Variants in KYAT3 observed in about 807,000 individuals in gnomAD.
KYAT3 encodes kynurenine--oxoglutarate transaminase 3.
A neutral mutation model predicts 59.0 loss-of-function variants in KYAT3; 50 were observed. The ratio of observed to expected loss-of-function variants is 0.85; its 90% CI spans 0.68 to 1.07. KYAT3 has a LOEUF of 1.07. Among genes scored for constraint, KYAT3 ranks in the 50% least tolerant of loss-of-function variants. The pLI is 0.00. For missense variants in KYAT3, 497 were observed against 533.3 expected (o/e 0.93, Z 0.67); for synonymous variants, 148 against 177.0 (o/e 0.84, Z 1.30).
At chr1:88,961,310 C>T (rs1343579496) in intron 7 of KYAT3, 23 bp from the exon 8 acceptor site, 3 of 1,613,534 alleles carry the variant, frequency 1.9e-6, no homozygotes, top group Non-Finnish European at 1.7e-6. Context: ...AAGGAAAGAG[C>T]ACAGCCAATT....
chr1:88,936,484 T>C (rs886966179), intron 13 of KYAT3, among the ~76,000 whole-genome samples: 1 of 152,178 alleles, frequency 6.6e-6, no homozygotes, highest in African/African-American at 2.4e-5. Flanking sequence ...AAATAATAGC[T>C]GTCTGCTCCA....
chr1:88,972,412 T>C (rs940814477), intron 2 of KYAT3, among the ~76,000 whole-genome samples: 1 of 152,240 alleles, frequency 6.6e-6, no homozygotes, highest in African/African-American at 2.4e-5. Context: ...CATATAGTTA[T>C]GCCTAGCACA....
At chr1:88,941,931 G>C (rs1244342324) in intron 13 of KYAT3, among the ~76,000 whole-genome samples, 1 of 152,104 alleles carries the variant, frequency 6.6e-6, no homozygotes, top group Non-Finnish European at 1.5e-5. Flanking sequence ...TTATCCTGTT[G>C]TATTTCATTG....
intron 2 of KYAT3, chr1:88,982,945 A>G: frequency 6.2e-7 from 1 of 1,613,946 alleles, no homozygotes; most frequent in Non-Finnish European, 8.5e-7. Flanking sequence ...GTGTAAGTGG[A>G]GCACTACGTG....
intron 1 of KYAT3, 37 bp from the exon 2 acceptor site, chr1:88,988,388 T>A: frequency 1.6e-6 from 2 of 1,238,816 alleles, no homozygotes; most frequent in African/African-American, 1.5e-5. Context: ...GAGGAATAAA[T>A]ATATGATGGG....
At chr1:88,983,170 G>A in intron 2 of KYAT3, 4 of 1,612,584 alleles carry the variant, frequency 2.5e-6, no homozygotes, top group Non-Finnish European at 3.4e-6. Flanking sequence ...TGCTTGAATA[G>A]CTGTCTTTAG....
At position 88,943,432 on chromosome 1, in the gene KYAT3, A is replaced by G; in HGVS notation, c.1142-9T>C. The G allele has an allele frequency of 6.7e-7, 1 of 1,499,306 alleles. No individual in the cohort carries two copies. Among genetic ancestry groups the G allele is most frequent in the Non-Finnish European group, 9.1e-7 (1 of 1,102,014 alleles). The allele number at this position is 1,499,306 out of a possible 1,614,324, so 92.9% of individuals were successfully genotyped here. A position where few individuals can be genotyped will look rare whatever the true frequency, so the allele number is the denominator to read the frequency against. ...ATCAGAGAGGTCTGGATCTAAAACC[A>G]CAATGAAAATTAGGTGGCCTATGAA... On this transcript the variant is annotated splice_polypyrimidine_tract_variant and intron_variant, in intron 11 of 13. Coordinates refer to ENST00000260508, the MANE Select transcript of KYAT3 (RefSeq NM_001008661.3).
downstream of KYAT3, among the ~76,000 whole-genome samples, chr1:88,933,501 TAGAA>T (rs1419957435): frequency 6.6e-6 from 1 of 151,940 alleles, no homozygotes; most frequent in African/African-American, 2.4e-5. Flanking sequence ...AGAGGAAAGA[TAGAA>T]AGAATTTTGC....
the KYAT3 span, among the ~76,000 whole-genome samples, chr1:88,925,730 C>T: frequency 6.7e-6 from 1 of 149,658 alleles, no homozygotes; most frequent in Non-Finnish European, 1.5e-5. Context: ...GAGAGAGAGA[C>T]AGAGGAGAGA....
intron 2 of KYAT3, among the ~76,000 whole-genome samples, chr1:88,978,073 T>TATATACACATATGTATATATGTATATA (rs1328485846): frequency 1.7e-4 from 26 of 152,136 alleles, no homozygotes; most frequent in African/African-American, 6.0e-4. Flanking sequence ...ATGTATATAA[T>TATATACACATATGTATATATGTATATA]ATATACACAT....
intron 2 of KYAT3, chr1:88,982,125 T>C (rs976783369): frequency 5.1e-6 from 5 of 982,044 alleles, no homozygotes; most frequent in Non-Finnish European, 4.8e-6. Flanking sequence ...TTGGGTTTAC[T>C]GGGTGAATAG....
intron 2 of KYAT3, chr1:88,983,243 C>G (rs1182940171): frequency 6.2e-7 from 1 of 1,613,320 alleles, no homozygotes; most frequent in Non-Finnish European, 8.5e-7. Flanking sequence ...CGGTTCCCTT[C>G]GAGGTGGACC....
intron 4 of KYAT3, among the ~76,000 whole-genome samples, chr1:88,967,590 T>C (rs1243608833): frequency 6.6e-6 from 1 of 152,086 alleles, no homozygotes; most frequent in Non-Finnish European, 1.5e-5. Context: ...TAGGGCTAGT[T>C]GCATTTTTCA....
rs12078452 is a variant in KYAT3 at position 88,989,172 on chromosome 1, G to T, written c.-1-821C>A. ...AGGCTGCTGTATCAGTGGATGGCATGTCGTCTAACAGTTATCAAACCTTAG... is the reference window on the plus strand; with the variant it reads ...AGGCTGCTGTATCAGTGGATGGCATTTCGTCTAACAGTTATCAAACCTTAG... On this transcript the variant is annotated intron_variant, in intron 1 of 13. Coordinates refer to ENST00000260508, the MANE Select transcript of KYAT3 (RefSeq NM_001008661.3). Among the ~76,000 whole-genome samples, 553 of 152,308 alleles carry T rather than the reference G, an allele frequency of 3.6e-3. 7 individuals carry two copies. Among genetic ancestry groups the T allele is most frequent in the African/African-American group, 0.013 (536 of 41,564 alleles).
intron 2 of KYAT3, 36 bp from the exon 3 acceptor site, chr1:88,969,503 G>T: frequency 1.6e-6 from 2 of 1,258,320 alleles, no homozygotes; most frequent in Non-Finnish European, 2.3e-6. Flanking sequence ...AATTGCCTTA[G>T]TCAAAATTTT....
intron 5 of KYAT3, 125 bp from the exon 6 acceptor site, chr1:88,962,270 T>C: frequency 1.4e-6 from 1 of 723,706 alleles, no homozygotes; most frequent in Non-Finnish European, 2.4e-6. Flanking sequence ...AGGCAGGCTT[T>C]GCCCTTGTGG....
At chr1:88,954,050 C>T (rs945918752) in intron 9 of KYAT3, among the ~76,000 whole-genome samples, 13 of 151,922 alleles carry the variant, frequency 8.6e-5, no homozygotes, top group African/African-American at 1.9e-4. Flanking sequence ...TACAGGCATG[C>T]GCCACCACGC....
At chr1:88,950,714 A>AC (rs887372567) in intron 10 of KYAT3, among the ~76,000 whole-genome samples, 1 of 151,752 alleles carries the variant, frequency 6.6e-6, no homozygotes, top group East Asian at 1.9e-4. Flanking sequence ...TGCTTCTACC[A>AC]CCCCCATCTT....
At chr1:88,978,971 T>TAA (rs2101073300) in intron 2 of KYAT3, among the ~76,000 whole-genome samples, 1 of 152,248 alleles carries the variant, frequency 6.6e-6, no homozygotes, top group African/African-American at 2.4e-5. Flanking sequence ...TGATTTTTGC[T>TAA]AAAGGGCAGA....
Sources: allele counts gnomAD v4.1 joint callset (sites outside exome capture counted in the v4.1 genomes callset), GRCh38; gene constraint gnomAD v4.1.1; transcripts MANE v1.5; gene names NCBI Gene and HGNC (gene_info 2026-07-23, HGNC 2026-07-21).